Variants in MVD observed in about 807,000 individuals in gnomAD.
MVD encodes diphosphomevalonate decarboxylase.
MVD carries 52 observed loss-of-function variants against 42.4 expected under a neutral mutation model. The ratio of observed to expected loss-of-function variants is 1.23; its 90% CI spans 0.98 to 1.55. The LOEUF (loss-of-function observed/expected upper bound fraction) is 1.55. Among genes scored for constraint, MVD ranks in the 40% most tolerant of loss-of-function variants. The probability of loss-of-function intolerance (pLI) is 0.00; values close to 1 mark genes in which losing one functional copy is unlikely to be tolerated. For synonymous variants in MVD, 287 were observed against 243.2 expected (o/e 1.18, Z -1.68); for missense variants, 663 against 572.1 (o/e 1.16, Z -1.62).
Position 88,654,817 on chromosome 16 carries a change from AC to A in MVD, c.898-11del. ...CAAAGGTGTACGCCACCTGGAACCCACAGCAGTCACCCTGGCTATTCACGTG... is the reference window on the plus strand; with the variant it reads ...CAAAGGTGTACGCCACCTGGAACCCAAGCAGTCACCCTGGCTATTCACGTG... On this transcript the variant is annotated splice_polypyrimidine_tract_variant and intron_variant, in intron 7 of 9. Coordinates refer to ENST00000301012, the MANE Select transcript of MVD (RefSeq NM_002461.3). 1 of 1,561,222 alleles carries A rather than the reference AC, an allele frequency of 6.4e-7. No homozygotes were observed.
intron 7 of MVD, 30 bp from the exon 8 acceptor site, chr16:88,654,837 T>G: frequency 6.5e-7 from 1 of 1,541,334 alleles, no homozygotes; most frequent in Non-Finnish European, 8.7e-7. Context: ...CCCTGGCTAT[T>G]CACGTGGTGC....
Position 88,657,528 on chromosome 16 carries a change from G to C in MVD, c.311C>G (p.Ser104Cys). The C allele has an allele frequency of 6.2e-7, 1 of 1,612,838 alleles. No individual in the cohort carries two copies. The highest frequency in any genetic ancestry group is 2.2e-5 in the East Asian group (1 of 44,886). Residue 104 changes from serine to cysteine, a missense_variant, in exon 4 of 10, where the codon TCC (serine) becomes TGC (cysteine). Ser to Cys is a moderately radical substitution (Grantham distance 112, BLOSUM62 -1). Coordinates refer to ENST00000301012, the MANE Select transcript of MVD (RefSeq NM_002461.3). ...RNSRDGDPLP[S>C]SLSCKVHVAS... Reference sequence around the variant, plus strand: ...CACGTGCACCTTGCAGCTGAGGCTGGAGGGCAGCGGGTCCCCATCCCGTGA... The same window carrying C: ...CACGTGCACCTTGCAGCTGAGGCTGCAGGGCAGCGGGTCCCCATCCCGTGA...
intron 1 of MVD, chr16:88,662,603 G>A: frequency 2.9e-6 from 3 of 1,023,854 alleles, no homozygotes; most frequent in Non-Finnish European, 3.7e-6. Flanking sequence ...GAGCAGTGGC[G>A]CGATTTCCGC....
In MVD at chr16:88,654,775, G is replaced by T; in HGVS notation, c.930C>A (p.Ala310=). The stretch of plus-strand genomic sequence containing the variant: ...CAGTGTCGTCCAGGGTGAAGATCAC[G>T]GCATTGGGGCCCGCGTCAAAGGTGT... ...VAYTFDAGPN[A]VIFTLDDTVA... The change falls in exon 8 of 10, where the codon GCC becomes GCA. Residue 310 remains alanine (A), a synonymous_variant. Transcript: ENST00000301012. The T allele has an allele frequency of 6.3e-7, 1 of 1,595,110 alleles. No homozygotes were observed.
At chr16:88,656,486 G>A (rs1377656507) in intron 4 of MVD, 182 bp from the exon 5 acceptor site, 14 of 653,426 alleles carry the variant, frequency 2.1e-5, no homozygotes, top group East Asian at 1.1e-4. Flanking sequence ...CCCCACCTCC[G>A]CTAGTTCCAC....
At position 88,655,192 on chromosome 16, in the gene MVD, G is replaced by A. The variant is rs375068809; in HGVS notation, c.897+7C>T. 1.7e-5 allele frequency: 27 copies of A among 1,554,504 alleles called. No homozygotes were observed. Among genetic ancestry groups the A allele is most frequent in the Non-Finnish European group, 2.1e-5 (24 of 1,149,092 alleles). On this transcript the variant is annotated splice_region_variant and intron_variant, in intron 7 of 9. Transcript: ENST00000301012. Reference sequence around the variant, plus strand: ...AGCGCAGCCTCTGCCCTCCCGGCCCGCGTCACCTTGGTGTCCCCGTGGTGG... The same window carrying A: ...AGCGCAGCCTCTGCCCTCCCGGCCCACGTCACCTTGGTGTCCCCGTGGTGG...
chr16:88,655,457 T>C (rs1907853553), intron 6 of MVD, 40 bp from the exon 7 acceptor site: 2 of 1,538,160 alleles, frequency 1.3e-6, no homozygotes, highest in African/African-American at 2.7e-5. Context: ...CCGCTGGGGG[T>C]CTCGACAGCA....
In MVD at chr16:88,652,592, G is replaced by T. The variant is rs1200311854; in HGVS notation, c.1136C>A (p.Pro379His). ...GGCGCAGGGGTCATCCAGGATTTGAGGCCCTGGCCCCACCTGGGGATAGAA... is the reference window on the plus strand; with the variant it reads ...GGCGCAGGGGTCATCCAGGATTTGATGCCCTGGCCCCACCTGGGGATAGAA... ...YIIVTQVGPGPQILDDPCAHL... is the reference protein window; with the variant it reads ...YIIVTQVGPGHQILDDPCAHL... The change falls in exon 10 of 10, where the codon CCT (proline) becomes CAT (histidine). Residue 379 changes from proline to histidine, a missense_variant. Physicochemically the swap from Pro to His is moderately conservative, Grantham distance 77 (BLOSUM62 -2). Coordinates refer to ENST00000301012, the MANE Select transcript of MVD (RefSeq NM_002461.3). 7 of 1,560,986 alleles carry T rather than the reference G, an allele frequency of 4.5e-6. No individual in the cohort carries two copies. In the South Asian group the frequency reaches 8.3e-5, roughly 18 times the overall value.
intron 1 of MVD, among the ~76,000 whole-genome samples, chr16:88,661,714 C>T (rs1286414795): frequency 6.6e-6 from 1 of 151,996 alleles, no homozygotes; most frequent in African/African-American, 2.4e-5. Flanking sequence ...GCCAGCACAT[C>T]CCTACCAGGA....
intron 1 of MVD, 124 bp downstream of exon 1, chr16:88,662,887 G>T (rs1418950603): frequency 1.3e-6 from 2 of 1,484,632 alleles, no homozygotes; most frequent in Non-Finnish European, 8.9e-7. Flanking sequence ...CTGAGCCTCA[G>T]TTTCCCCGTC....
Position 88,655,313 on chromosome 16 carries a change from GTTGCTGTCCT to G in MVD, c.773_782del (p.Lys258ThrfsTer51). On this transcript the variant is annotated frameshift_variant, in exon 7 of 10. Coordinates refer to ENST00000301012, the MANE Select transcript of MVD (RefSeq NM_002461.3). ...TGTCGAGGCAGGTGGCGTGGAACTGGTTGCTGTCCTTCATGGTCAGCTGGGCGAAGCTGGG... is the reference window on the plus strand; with the variant it reads ...TGTCGAGGCAGGTGGCGTGGAACTGGTCATGGTCAGCTGGGCGAAGCTGGG... The G allele has an allele frequency of 1.9e-6, 3 of 1,598,636 alleles. No homozygotes were observed. Among genetic ancestry groups the G allele is most frequent in the Non-Finnish European group, 2.6e-6 (3 of 1,172,978 alleles).
intron 8 of MVD, among the ~76,000 whole-genome samples, chr16:88,653,820 C>G (rs1335238843): frequency 6.6e-6 from 1 of 152,084 alleles, no homozygotes; most frequent in East Asian, 1.9e-4. Context: ...ACAGCGGAAG[C>G]CTGCAAGCCC....
In MVD at chr16:88,652,477, G is replaced by A. The variant is rs114106183; in HGVS notation, c.*48C>T. Reference sequence around the variant, plus strand: ...CCCACCACATCCGCTCCCTAGCTCCGGCGAGGCCACCCCTTCTCCAAGCGG... The same window carrying A: ...CCCACCACATCCGCTCCCTAGCTCCAGCGAGGCCACCCCTTCTCCAAGCGG... On this transcript the variant is annotated 3_prime_UTR_variant, in exon 10 of 10. Coordinates refer to ENST00000301012, the MANE Select transcript of MVD (RefSeq NM_002461.3). The A allele has an allele frequency of 2.5e-4, 390 of 1,543,730 alleles. 1 individual carries two copies. In the African/African-American group the frequency reaches 4.3e-3, roughly 17 times the overall value.
chr16:88,660,967 C>T (rs1377267949), intron 1 of MVD: 2 of 124,488 alleles, frequency 1.6e-5, no homozygotes, highest in Non-Finnish European at 3.2e-5. Context: ...GATTGTGCCA[C>T]TGCACTCCAG....
At position 88,657,482 on chromosome 16, in the gene MVD, G is replaced by A. The variant is rs1908004291; in HGVS notation, c.357C>T (p.Pro119=). 6.2e-7 allele frequency: 1 copy of A among 1,612,644 alleles called. No homozygotes were observed. Among genetic ancestry groups the A allele is most frequent in the East Asian group, 2.2e-5 (1 of 44,872 alleles). Residue 119 remains proline (P), a synonymous_variant, in exon 4 of 10, where the codon CCC becomes CCT. Transcript: ENST00000301012. ...CTGAGGAGGCCAGGCCCGCAGCCGTGGGGAAGTTGTTCACCGATGCCACGT... is the reference window on the plus strand; with the variant it reads ...CTGAGGAGGCCAGGCCCGCAGCCGTAGGGAAGTTGTTCACCGATGCCACGT... ...KVHVASVNNF[P]TAAGLASSAA... is the part of the protein sequence containing the mutation.
intron 5 of MVD, 24 bp downstream of exon 5, chr16:88,656,081 C>A: frequency 6.4e-7 from 1 of 1,562,680 alleles, no homozygotes. Flanking sequence ...CGGGCTGCTG[C>A]TCCACCCGCC....
intron 1 of MVD, chr16:88,659,302 AGTT>A: frequency 5.9e-6 from 1 of 169,440 alleles, no homozygotes; most frequent in Admixed American, 5.6e-5. Context: ...GATGGCGGAC[AGTT>A]CCAGGGGTGA....
At chr16:88,653,212 C>T (rs1423821715) in intron 9 of MVD, 88 bp downstream of exon 9, 24 of 1,030,706 alleles carry the variant, frequency 2.3e-5, no homozygotes, top group South Asian at 2.1e-4. Context: ...CAGGGAGCCG[C>T]GCTTAGCCTT....
Position 88,652,609 on chromosome 16 carries a change from G to A in MVD, c.1123-4C>T. On this transcript the variant is annotated splice_region_variant and splice_polypyrimidine_tract_variant and intron_variant, in intron 9 of 9. Transcript: ENST00000301012. ...GGATTTGAGGCCCTGGCCCCACCTG[G>A]GGATAGAAATCCATGTCAGGTCACC... is the stretch of plus-strand genomic sequence containing the variant. 4 of 1,554,590 alleles carry A rather than the reference G, an allele frequency of 2.6e-6. No individual in the cohort carries two copies. The highest frequency in any genetic ancestry group is 3.5e-6 in the Non-Finnish European group (4 of 1,148,964).
Sources: gnomAD v4.1 joint callset for allele counts (sites outside exome capture counted in the v4.1 genomes callset) on GRCh38, gnomAD v4.1.1 for gene constraint, MANE v1.5 for transcripts, NCBI Gene and HGNC (gene_info 2026-07-23, HGNC 2026-07-21) for gene names.